PAX5: variants seen among roughly 807,000 people sequenced by gnomAD.
The protein encoded by PAX5 is paired box protein Pax-5.
PAX5 carries 9 observed loss-of-function variants against 43.7 expected under a neutral mutation model. The observed-to-expected ratio is 0.21, with a 90% CI of 0.12 to 0.36. PAX5 has a LOEUF of 0.36. Among genes scored for constraint, PAX5 ranks in the 10% least tolerant of loss-of-function variants. The pLI, the probability that PAX5 is intolerant of heterozygous loss-of-function variation, is 1.00. For synonymous variants in PAX5, 228 were observed against 214.3 expected (o/e 1.06, Z -0.56); for missense variants, 383 against 532.7 (o/e 0.72, Z 2.77).
chr9:36,927,712 CTTTTTT>C (rs113477748), intron 6 of PAX5, among the ~76,000 whole-genome samples: 1 of 142,084 alleles, frequency 7.0e-6, no homozygotes, highest in Non-Finnish European at 1.5e-5. Flanking sequence ...TTTTCTTTTT[CTTTTTT>C]TTTTTTTTGA....
In PAX5 at chr9:36,971,446, T is replaced by C. The variant is rs545949536; in HGVS notation, c.605-4722A>G. On this transcript the variant is annotated intron_variant, in intron 5 of 9. Coordinates refer to ENST00000358127, the MANE Select transcript of PAX5 (RefSeq NM_016734.3). ...TCCGTAGCATTTCTCATCTGCACCA[T>C]GAAGATGCTGTCTGACTTAATTGGA... Among the ~76,000 whole-genome samples, 114 of 152,304 alleles carry C rather than the reference T, an allele frequency of 7.5e-4. 1 individual carries two copies. Among genetic ancestry groups the C allele is most frequent in the African/African-American group, 2.6e-3 (106 of 41,560 alleles).
chr9:36,955,788 T>A (rs917405186), intron 6 of PAX5, among the ~76,000 whole-genome samples: 1,683 of 135,528 alleles, frequency 0.012, 24 homozygotes, highest in Admixed American at 0.049. Context: ...AAAAAATATA[T>A]ATATATATAT....
At chr9:36,950,872 C>A (rs1832945887) in intron 6 of PAX5, among the ~76,000 whole-genome samples, 1 of 151,722 alleles carries the variant, frequency 6.6e-6, no homozygotes, top group Non-Finnish European at 1.5e-5. Context: ...TCCCAAGTAG[C>A]TGGGATTACA....
intron 8 of PAX5, among the ~76,000 whole-genome samples, chr9:36,859,428 G>A (rs1015794884): frequency 6.6e-6 from 1 of 151,842 alleles, no homozygotes; most frequent in African/African-American, 2.4e-5. Context: ...GGCTCTCCTG[G>A]TCACTCCTCT....
chr9:37,029,343 G>T (rs1840731018), intron 1 of PAX5, among the ~76,000 whole-genome samples: 1 of 152,156 alleles, frequency 6.6e-6, no homozygotes, highest in African/African-American at 2.4e-5. Flanking sequence ...ACACCCAGCT[G>T]TCCCTGACCA....
At chr9:36,863,274 A>AT (rs1824408756) in intron 8 of PAX5, among the ~76,000 whole-genome samples, 1 of 151,944 alleles carries the variant, frequency 6.6e-6, no homozygotes. Context: ...TTATTCTTTT[A>AT]TTTTTTAGAA....
At chr9:36,955,746 C>T (rs1833389619) in intron 6 of PAX5, among the ~76,000 whole-genome samples, 2 of 143,812 alleles carry the variant, frequency 1.4e-5, no homozygotes, top group Non-Finnish European at 3.0e-5. Context: ...ATTACAGCCA[C>T]TGAGGATTTC....
intron 8 of PAX5, among the ~76,000 whole-genome samples, chr9:36,867,912 G>A (rs977368212): frequency 2.6e-5 from 4 of 152,046 alleles, no homozygotes; most frequent in East Asian, 3.9e-4. Flanking sequence ...TCTGGGCTTC[G>A]CGGGTCCCAT....
chr9:36,930,327 G>A (rs1372557163), intron 6 of PAX5, among the ~76,000 whole-genome samples: 1 of 148,768 alleles, frequency 6.7e-6, no homozygotes, highest in African/African-American at 2.5e-5. Context: ...AGGCCCAAGG[G>A]ATCCTCCCAC....
chr9:37,003,154 TAAAAAAAA>T (rs67081521), intron 4 of PAX5, among the ~76,000 whole-genome samples: 1 of 75,848 alleles, frequency 1.3e-5, no homozygotes, highest in Non-Finnish European at 2.4e-5. Context: ...AGTCAGTGCT[TAAAAAAAA>T]AAAAAAAAAA....
intron 1 of PAX5, among the ~76,000 whole-genome samples, chr9:37,030,036 AT>A: frequency 6.6e-6 from 1 of 152,334 alleles, no homozygotes; most frequent in Non-Finnish European, 1.5e-5. Context: ...TTTCCTTCGG[AT>A]ACCCGTGAGG....
At chr9:36,996,515 C>G (rs1468224795) in intron 5 of PAX5, among the ~76,000 whole-genome samples, 1 of 152,226 alleles carries the variant, frequency 6.6e-6, no homozygotes, top group Non-Finnish European at 1.5e-5. Flanking sequence ...TTACTCCTGA[C>G]TCAGGAATCC....
At chr9:36,920,803 C>CTTTTT (rs58220286) in intron 7 of PAX5, among the ~76,000 whole-genome samples, 3 of 91,226 alleles carry the variant, frequency 3.3e-5, no homozygotes, top group Non-Finnish European at 6.5e-5. Context: ...ATAGACATAG[C>CTTTTT]TTTTTTTTTT....
intron 5 of PAX5, among the ~76,000 whole-genome samples, chr9:37,000,167 G>A (rs527812422): frequency 1.2e-4 from 18 of 152,150 alleles, no homozygotes; most frequent in Non-Finnish European, 2.4e-4. Flanking sequence ...AGAGAGGATG[G>A]GAAACATCAG....
chr9:36,973,091 A>G (rs1835078194), intron 5 of PAX5, among the ~76,000 whole-genome samples: 2 of 77,816 alleles, frequency 2.6e-5, no homozygotes, highest in African/African-American at 1.2e-4. Context: ...AACGGAAAGG[A>G]AAGGAAAGGA....
chr9:37,020,578 G>T, intron 2 of PAX5, 58 bp downstream of exon 2: 1 of 1,532,388 alleles, frequency 6.5e-7, no homozygotes, highest in Non-Finnish European at 9.0e-7. Flanking sequence ...CAGCTGCTGG[G>T]TCATGTTTTA....
chr9:36,843,268 G>T (rs3860998), intron 9 of PAX5, among the ~76,000 whole-genome samples: 1,855 of 152,324 alleles, frequency 0.012, 33 homozygotes, highest in African/African-American at 0.042. Flanking sequence ...AACCCATCTA[G>T]GTCTACCTGC....
At chr9:36,891,701 G>A (rs1827403701) in intron 7 of PAX5, among the ~76,000 whole-genome samples, 1 of 152,210 alleles carries the variant, frequency 6.6e-6, no homozygotes, top group Non-Finnish European at 1.5e-5. Flanking sequence ...AGGTTTATTA[G>A]CCATTAGTTT....
intron 7 of PAX5, among the ~76,000 whole-genome samples, chr9:36,911,479 C>A (rs1169187107): frequency 6.6e-6 from 1 of 152,236 alleles, no homozygotes; most frequent in African/African-American, 2.4e-5. Flanking sequence ...ACTCTGATAG[C>A]CAGCCCAGCA....
Sources: allele counts gnomAD v4.1 joint callset (sites outside exome capture counted in the v4.1 genomes callset), GRCh38; gene constraint gnomAD v4.1.1; transcripts MANE v1.5; gene names NCBI Gene and HGNC (gene_info 2026-07-23, HGNC 2026-07-21).